Variants in FOXN3 observed in about 807,000 individuals in gnomAD.
The protein encoded by FOXN3 is forkhead box N3.
FOXN3 carries 7 observed loss-of-function variants against 38.4 expected under a neutral mutation model. The ratio of observed to expected loss-of-function variants is 0.18; its 90% confidence interval spans 0.10 to 0.34. The LOEUF (loss-of-function observed/expected upper bound fraction) is 0.34. Among genes scored for constraint, FOXN3 ranks in the 10% least tolerant of loss-of-function variants. The probability of loss-of-function intolerance (pLI) is 1.00; values close to 1 mark genes in which losing one functional copy is unlikely to be tolerated. For missense variants in FOXN3, 456 were observed against 613.4 expected (o/e 0.74, Z 2.71); for synonymous variants, 230 against 242.2 (o/e 0.95, Z 0.47).
chr14:89,174,548 A>T (rs1887470350), intron 5 of FOXN3, among the ~76,000 whole-genome samples: 1 of 152,204 alleles, frequency 6.6e-6, no homozygotes, highest in African/African-American at 2.4e-5. Flanking sequence ...GTCCAGAATC[A>T]TTGGGAGTTT....
intron 4 of FOXN3, among the ~76,000 whole-genome samples, chr14:89,199,698 T>C (rs1888186423): frequency 6.6e-6 from 1 of 151,248 alleles, no homozygotes; most frequent in Non-Finnish European, 1.5e-5. Context: ...AGGTTAGGAG[T>C]TCAAGACCAG....
intron 4 of FOXN3, among the ~76,000 whole-genome samples, chr14:89,261,374 C>A (rs968272604): frequency 6.6e-6 from 1 of 152,238 alleles, no homozygotes; most frequent in Non-Finnish European, 1.5e-5. Context: ...AACGCTGGGA[C>A]TCAAGGCCAG....
chr14:89,592,057 A>T (rs1369759167), intron 1 of FOXN3, among the ~76,000 whole-genome samples: 2 of 152,234 alleles, frequency 1.3e-5, no homozygotes, highest in Non-Finnish European at 2.9e-5. Flanking sequence ...ATGTTAAAAG[A>T]ACAAGAAACA....
At chr14:89,352,972 A>C (rs1433306682) in intron 2 of FOXN3, among the ~76,000 whole-genome samples, 1 of 152,236 alleles carries the variant, frequency 6.6e-6, no homozygotes, top group African/African-American at 2.4e-5. Context: ...CTGGGGCAAG[A>C]ACAGTGAAAC....
chr14:89,503,541 G>A (rs1473796293), intron 1 of FOXN3, among the ~76,000 whole-genome samples: 1 of 152,198 alleles, frequency 6.6e-6, no homozygotes, highest in African/African-American at 2.4e-5. Context: ...GCATGAATTT[G>A]AATATTTGAA....
rs958463930 is a variant in FOXN3 at position 89,566,653 on chromosome 14, G to A, written c.-15+52375C>T. ...AATTATGTTCATTGTGTTGGTTTTC[G>A]GGAAATGAGATTATTCTAGACTCAT... On this transcript the variant is annotated intron_variant, in intron 1 of 6. Transcript: ENST00000345097. 2.0e-5 allele frequency among the ~76,000 whole-genome samples: 3 copies of A among 152,116 alleles called. No homozygotes were observed. The South Asian group carries it at 6.2e-4, about 31-fold the overall frequency.
At chr14:89,530,375 G>C (rs574141838) in intron 1 of FOXN3, among the ~76,000 whole-genome samples, 21 of 152,306 alleles carry the variant, frequency 1.4e-4, no homozygotes, top group Admixed American at 1.0e-3. Context: ...AAGAGAGCAT[G>C]ATCGGGGAAC....
intron 1 of FOXN3, among the ~76,000 whole-genome samples, chr14:89,591,586 C>T (rs1361157649): frequency 6.6e-6 from 1 of 151,760 alleles, no homozygotes; most frequent in African/African-American, 2.4e-5. Context: ...GAAATTCAGG[C>T]ATCACCAGGA....
intron 4 of FOXN3, among the ~76,000 whole-genome samples, chr14:89,264,533 T>C (rs910296726): frequency 6.6e-6 from 1 of 152,100 alleles, no homozygotes. Flanking sequence ...ACAGCCAAAC[T>C]ATATCACATC....
intron 2 of FOXN3, among the ~76,000 whole-genome samples, chr14:89,387,390 A>G (rs28538781): frequency 0.062 from 9,480 of 152,264 alleles, 616 homozygotes; most frequent in African/African-American, 0.16. Flanking sequence ...CAGGAGTTGT[A>G]TTATCATTAT....
intron 1 of FOXN3, among the ~76,000 whole-genome samples, chr14:89,603,953 G>A (rs1425349839): frequency 6.6e-6 from 1 of 152,104 alleles, no homozygotes; most frequent in East Asian, 1.9e-4. Context: ...TAAGTGCTAA[G>A]TAGAAAGGGA....
intron 1 of FOXN3, among the ~76,000 whole-genome samples, chr14:89,511,194 C>CTTTCT (rs1555358067): frequency 7.9e-5 from 1 of 12,632 alleles, no homozygotes; most frequent in African/African-American, 1.4e-4. Context: ...TCTTTCTTTT[C>CTTTCT]TTTCTTTCTT....
chr14:89,525,087 T>G (rs1049407133), intron 1 of FOXN3, among the ~76,000 whole-genome samples: 5 of 152,068 alleles, frequency 3.3e-5, no homozygotes, highest in Non-Finnish European at 5.9e-5. Flanking sequence ...GGGGAATATG[T>G]CAGAGGTGTT....
intron 4 of FOXN3, among the ~76,000 whole-genome samples, chr14:89,248,125 C>A (rs1054147968): frequency 6.6e-6 from 1 of 152,158 alleles, no homozygotes; most frequent in Non-Finnish European, 1.5e-5. Flanking sequence ...TTCTGTCTGG[C>A]GCTTAGCTGG....
intron 1 of FOXN3, chr14:89,493,854 C>G (rs907766214): frequency 1.3e-5 from 2 of 150,554 alleles, no homozygotes; most frequent in Non-Finnish European, 3.0e-5. Flanking sequence ...ATCTCTACCC[C>G]CCTCCAAAAA....
intron 2 of FOXN3, among the ~76,000 whole-genome samples, chr14:89,380,331 G>A (rs1030189995): frequency 1.3e-5 from 2 of 152,194 alleles, no homozygotes; most frequent in African/African-American, 4.8e-5. Flanking sequence ...AGAATTGTGA[G>A]TCCATTAAAC....
intron 1 of FOXN3, among the ~76,000 whole-genome samples, chr14:89,563,519 T>C (rs867044715): frequency 1.6e-4 from 24 of 152,266 alleles, no homozygotes; most frequent in Middle Eastern, 6.8e-3. Flanking sequence ...GAGAATTCTA[T>C]AGACCTTCAC....
At chr14:89,575,133 A>T (rs1340564101) in intron 1 of FOXN3, among the ~76,000 whole-genome samples, 1 of 152,206 alleles carries the variant, frequency 6.6e-6, no homozygotes, top group Non-Finnish European at 1.5e-5. Context: ...TTTCTCCTTC[A>T]TAAACTGCAA....
intron 4 of FOXN3, among the ~76,000 whole-genome samples, chr14:89,217,172 T>C (rs2139838286): frequency 6.6e-6 from 1 of 152,320 alleles, no homozygotes; most frequent in African/African-American, 2.4e-5. Flanking sequence ...TCTCACTCTG[T>C]CATCGAGGCT....
Sources: allele counts gnomAD v4.1 joint callset (sites outside exome capture counted in the v4.1 genomes callset), GRCh38; gene constraint gnomAD v4.1.1; transcripts MANE v1.5; gene names NCBI Gene and HGNC (gene_info 2026-07-23, HGNC 2026-07-21).